C12orf50: variants seen among roughly 807,000 people sequenced by gnomAD.
The protein encoded by C12orf50 is uncharacterized protein C12orf50.
In C12orf50, 35 loss-of-function variants were observed where a neutral mutation model predicts 61.6. The ratio of observed to expected loss-of-function variants is 0.57; its 90% CI spans 0.43 to 0.75. The LOEUF (loss-of-function observed/expected upper bound fraction) is 0.75, where lower values mean the gene tolerates loss of function less well. Among genes scored for constraint, C12orf50 ranks in the 30% least tolerant of loss-of-function variants. The pLI, the probability that C12orf50 is intolerant of heterozygous loss-of-function variation, is 0.00. For synonymous variants in C12orf50, 178 were observed against 161.5 expected (o/e 1.10, Z -0.77); for missense variants, 475 against 488.5 (o/e 0.97, Z 0.26).
intron 3 of C12orf50, among the ~76,000 whole-genome samples, chr12:88,025,839 A>G (rs1019883658): frequency 6.6e-6 from 1 of 152,238 alleles, no homozygotes; most frequent in African/African-American, 2.4e-5. Context: ...GAAACCTAAT[A>G]GCCCAACCTT....
At chr12:88,023,169 A>G (rs2032578533) in intron 3 of C12orf50, among the ~76,000 whole-genome samples, 1 of 152,166 alleles carries the variant, frequency 6.6e-6, no homozygotes. Context: ...ACATAGACCA[A>G]TGGAATAGAA....
chr12:87,995,477 T>A (rs1365728898), intron 6 of C12orf50, among the ~76,000 whole-genome samples: 2 of 152,128 alleles, frequency 1.3e-5, no homozygotes, highest in Non-Finnish European at 1.5e-5. Flanking sequence ...ACAATGTGTA[T>A]ATTTAGAGAG....
chr12:88,012,853 C>G (rs942779909), intron 3 of C12orf50, among the ~76,000 whole-genome samples: 24 of 152,030 alleles, frequency 1.6e-4, no homozygotes, highest in African/African-American at 5.6e-4. Context: ...TTGCTTGAAT[C>G]CAGGAGTTGA....
At chr12:88,019,516 A>G (rs1006704433) in intron 3 of C12orf50, among the ~76,000 whole-genome samples, 11 of 152,214 alleles carry the variant, frequency 7.2e-5, no homozygotes. Flanking sequence ...AAAACTTCAG[A>G]GAGCTAACAG....
In C12orf50 at chr12:87,986,042, G is replaced by C. The variant is rs1273936530; in HGVS notation, c.934C>G (p.Pro312Ala). ...TAACTCATTTTATTTTGGGGTCTTG[G>C]GGCCTGTACTGCTGTAAAGAAAGGT... ...NSGMQRAVQA[P>A]RPQNKMSYHR... The change falls in exon 11 of 13, where the codon CCA becomes GCA. Residue 312 changes from proline (P) to alanine (A), a missense_variant. By Grantham distance (27) the Pro-to-Ala change is conservative (BLOSUM62 -1). Coordinates refer to ENST00000298699, the MANE Select transcript of C12orf50 (RefSeq NM_152589.3). 1.2e-6 allele frequency: 2 copies of C among 1,613,528 alleles called. No individual in the cohort carries two copies. The highest frequency in any genetic ancestry group is 1.3e-5 in the African/African-American group (1 of 74,852).
At chr12:88,009,906 T>A (rs1328525026) in intron 3 of C12orf50, among the ~76,000 whole-genome samples, 4 of 152,168 alleles carry the variant, frequency 2.6e-5, no homozygotes, top group African/African-American at 9.6e-5. Context: ...GTCAATATTT[T>A]GTGACCTTAT....
upstream of C12orf50, chr12:88,030,056 CAA>C (rs1301262203): frequency 6.5e-6 from 1 of 153,004 alleles, no homozygotes; most frequent in Non-Finnish European, 1.5e-5. Context: ...TATCTTTAAT[CAA>C]ATAATTAAAA....
At chr12:87,983,965 A>G (rs1320637717) in intron 11 of C12orf50, 1 of 125,032 alleles carries the variant, frequency 8.0e-6, no homozygotes, top group African/African-American at 2.5e-5. Context: ...GAATCGCCAC[A>G]CTGACTTCCA....
intron 12 of C12orf50, among the ~76,000 whole-genome samples, chr12:87,980,859 A>G (rs2030431015): frequency 6.6e-6 from 1 of 152,182 alleles, no homozygotes; most frequent in African/African-American, 2.4e-5. Flanking sequence ...CCCTAGAGGA[A>G]CAGACTCATG....
At chr12:88,002,995 T>C (rs1192025425) in intron 3 of C12orf50, among the ~76,000 whole-genome samples, 1 of 151,910 alleles carries the variant, frequency 6.6e-6, no homozygotes, top group Non-Finnish European at 1.5e-5. Flanking sequence ...TATTGTAACA[T>C]ATATTACATT....
chr12:87,985,320 T>C (rs2030750920), intron 11 of C12orf50: 1 of 152,632 alleles, frequency 6.6e-6, no homozygotes, highest in Non-Finnish European at 1.5e-5. Flanking sequence ...CCCTGTAACC[T>C]TGTACTTCCT....
rs756417792 is a variant in C12orf50 at position 87,998,105 on chromosome 12, T to G, written c.219A>C (p.Ser73=). The change falls in exon 4 of 13, where the codon TCA becomes TCC. Residue 73 remains serine, a synonymous_variant. Coordinates refer to ENST00000298699, the MANE Select transcript of C12orf50 (RefSeq NM_152589.3). ...QEPLKPQENI[S]RPIHHPLVLK... is the part of the protein sequence containing the mutation. ...AAACTAAAGGATGGTGGATGGGTCG[T>G]GATATATTTTCCTGAGGTTTCAGAG... 1 of 1,612,994 alleles carries G rather than the reference T, an allele frequency of 6.2e-7. No individual in the cohort carries two copies. Among genetic ancestry groups the G allele is most frequent in the South Asian group, 1.1e-5 (1 of 91,006 alleles).
chr12:87,983,726 T>A (rs1405848969), intron 11 of C12orf50: 1 of 149,908 alleles, frequency 6.7e-6, no homozygotes, highest in Non-Finnish European at 1.5e-5. Flanking sequence ...GAACTCATCA[T>A]TTTTTATGGC....
chr12:87,995,748 A>G (rs1399317727), intron 6 of C12orf50, among the ~76,000 whole-genome samples: 1 of 152,070 alleles, frequency 6.6e-6, no homozygotes, highest in Non-Finnish European at 1.5e-5. Flanking sequence ...ATGGTTCCCA[A>G]GGTTTGCGGG....
chr12:87,988,873 A>G (rs1357750983), intron 8 of C12orf50, among the ~76,000 whole-genome samples: 1 of 152,290 alleles, frequency 6.6e-6, no homozygotes, highest in African/African-American at 2.4e-5. Context: ...GATTATTCAC[A>G]GACTAGTGTT....
At chr12:87,997,925 A>G (rs950767851) in intron 4 of C12orf50, 110 bp downstream of exon 4, 13 of 737,944 alleles carry the variant, frequency 1.8e-5, no homozygotes, top group Non-Finnish European at 2.5e-5. Context: ...TTATTTTCTC[A>G]GCAAAATCTG....
At position 87,987,871 on chromosome 12, in the gene C12orf50, A is replaced by G; in HGVS notation, c.796T>C (p.Cys266Arg). 1 of 1,607,216 alleles carries G rather than the reference A, an allele frequency of 6.2e-7. No homozygotes were observed. Residue 266 changes from cysteine to arginine, a missense_variant, in exon 9 of 13, where the codon TGC becomes CGC. Physicochemically the swap from Cys to Arg is radical, Grantham distance 180 (BLOSUM62 -3). Transcript: ENST00000298699. The stretch of plus-strand genomic sequence containing the variant: ...TCACTTGAAGAGGGGTCCTCTCTGC[A>G]CTTCATACTGATATTCTCAGTAGCA... The part of the protein sequence containing the change: ...LNATENISMK[C>R]REDPSSMNDV...
chr12:88,000,183 A>G (rs1054639651), intron 3 of C12orf50, among the ~76,000 whole-genome samples: 1 of 152,106 alleles, frequency 6.6e-6, no homozygotes, highest in African/African-American at 2.4e-5. Context: ...TCTTTGATCC[A>G]TTTTGAGTTA....
intron 12 of C12orf50, among the ~76,000 whole-genome samples, chr12:87,982,196 A>G (rs931254292): frequency 2.6e-5 from 4 of 151,936 alleles, no homozygotes; most frequent in Non-Finnish European, 5.9e-5. Flanking sequence ...ATTTTCATCA[A>G]CTCTTCACCT....
Sources: allele counts gnomAD v4.1 joint callset (sites outside exome capture counted in the v4.1 genomes callset), GRCh38; gene constraint gnomAD v4.1.1; transcripts MANE v1.5; gene names NCBI Gene and HGNC (gene_info 2026-07-23, HGNC 2026-07-21).